The following DIP2C variants were observed in gnomAD, a reference collection of about 807,000 sequenced individuals.
DIP2C encodes DIP2 acetate--CoA ligase C (putative).
DIP2C carries 33 observed loss-of-function variants against 192.4 expected under a neutral mutation model. That is an observed-to-expected ratio of 0.17 (90% CI 0.13 to 0.23). The LOEUF (loss-of-function observed/expected upper bound fraction) is 0.23. Ranked by LOEUF, DIP2C falls within the 10% of genes least tolerant of loss-of-function variation. The probability of loss-of-function intolerance (pLI) is 1.00; values close to 1 mark genes in which losing one functional copy is unlikely to be tolerated. For missense variants in DIP2C, 1,537 were observed against 2,110.1 expected (o/e 0.73, Z 5.32); for synonymous variants, 979 against 864.1 (o/e 1.13, Z -2.33).
chr10:504,550 C>CAT, intron 1 of DIP2C, among the ~76,000 whole-genome samples: 1 of 151,944 alleles, frequency 6.6e-6, no homozygotes, highest in Admixed American at 6.6e-5. Flanking sequence ...CCCACGGCTC[C>CAT]GTGACCAAGT....
chr10:633,440 G>A (rs933331676), intron 1 of DIP2C, among the ~76,000 whole-genome samples: 18 of 152,200 alleles, frequency 1.2e-4, no homozygotes, highest in African/African-American at 3.1e-4. Flanking sequence ...GAGCGGACGC[G>A]GGGAGTCCGA....
At chr10:519,445 A>G (rs970510982) in intron 1 of DIP2C, among the ~76,000 whole-genome samples, 1 of 151,892 alleles carries the variant, frequency 6.6e-6, no homozygotes, top group Non-Finnish European at 1.5e-5. Flanking sequence ...CTGAGTGCTG[A>G]CCCCGCGTGG....
At chr10:521,003 A>G (rs902334697) in intron 1 of DIP2C, among the ~76,000 whole-genome samples, 1 of 152,252 alleles carries the variant, frequency 6.6e-6, no homozygotes, top group African/African-American at 2.4e-5. Context: ...TCTATTAATC[A>G]AATGGAAATA....
At chr10:642,255 A>C (rs1401490424) in intron 1 of DIP2C, among the ~76,000 whole-genome samples, 5 of 152,232 alleles carry the variant, frequency 3.3e-5, no homozygotes, top group African/African-American at 1.2e-4. Context: ...CTGAAACCTC[A>C]GCATCCTCAG....
chr10:457,080 G>A (rs1969363809), intron 3 of DIP2C, among the ~76,000 whole-genome samples: 2 of 152,122 alleles, frequency 1.3e-5, no homozygotes, highest in South Asian at 4.1e-4. Flanking sequence ...ATGGTTTGAG[G>A]TTATAATCTC....
At chr10:404,085 A>G (rs868833674) in intron 9 of DIP2C, among the ~76,000 whole-genome samples, 733 of 109,416 alleles carry the variant, frequency 6.7e-3, no homozygotes, top group Middle Eastern at 0.035. Flanking sequence ...CATGAATCCT[A>G]TGATTTTACA....
chr10:327,236 GAGACTCCTTCCCAC>G (rs1431277990), intron 30 of DIP2C, 60 bp from the exon 31 acceptor site: 1 of 1,555,750 alleles, frequency 6.4e-7, no homozygotes, highest in African/African-American at 1.4e-5. Flanking sequence ...GAGTGAGCCA[GAGACTCCTTCCCAC>G]AGATCCCCAC....
intron 3 of DIP2C, among the ~76,000 whole-genome samples, chr10:469,371 C>A (rs908134626): frequency 8.2e-5 from 12 of 146,042 alleles, no homozygotes; most frequent in South Asian, 2.2e-4. Context: ...GGCTGGAGTG[C>A]AGTGGTATGA....
intron 32 of DIP2C, among the ~76,000 whole-genome samples, chr10:308,036 G>A (rs1301418228): frequency 1.4e-5 from 2 of 143,868 alleles, no homozygotes; most frequent in African/African-American, 5.5e-5. Flanking sequence ...GGGCAGCAGG[G>A]AGGGTTCAGG....
At chr10:591,521 A>AC (rs1428576861) in intron 1 of DIP2C, among the ~76,000 whole-genome samples, 1 of 152,252 alleles carries the variant, frequency 6.6e-6, no homozygotes, top group Non-Finnish European at 1.5e-5. Flanking sequence ...AGAACCAGTT[A>AC]CCCATTTGAA....
intron 3 of DIP2C, among the ~76,000 whole-genome samples, chr10:443,601 C>G (rs1967918659): frequency 6.6e-6 from 1 of 152,188 alleles, no homozygotes; most frequent in Non-Finnish European, 1.5e-5. Context: ...GCACTTCTGT[C>G]CCTGTCTACA....
At position 283,454 on chromosome 10, in the gene DIP2C, CGGAG is replaced by C. The variant is rs748025955; in HGVS notation, c.4120-12_4120-9del. On this transcript the variant is annotated splice_polypyrimidine_tract_variant and intron_variant, in intron 34 of 36. Coordinates refer to ENST00000280886, the MANE Select transcript of DIP2C (RefSeq NM_014974.3). The stretch of plus-strand genomic sequence containing the variant: ...GGCACTGTGAACCCAAATCTGCAAA[CGGAG>C]GGAAATGTCACTGTGGATGACATTA... 100 of 1,613,538 alleles carry C rather than the reference CGGAG, an allele frequency of 6.2e-5. No individual in the cohort carries two copies. Among genetic ancestry groups the C allele is most frequent in the Non-Finnish European group, 8.3e-5 (98 of 1,179,762 alleles).
chr10:413,809 G>T, intron 8 of DIP2C, 104 bp downstream of exon 8: 1 of 1,408,200 alleles, frequency 7.1e-7, no homozygotes, highest in Non-Finnish European at 9.7e-7. Flanking sequence ...GGTTAGCCTC[G>T]GGATTACCTT....
intron 1 of DIP2C, among the ~76,000 whole-genome samples, chr10:525,606 A>T (rs1847002996): frequency 6.6e-6 from 1 of 152,224 alleles, no homozygotes; most frequent in African/African-American, 2.4e-5. Context: ...AATTTTCCTC[A>T]TCTGCAAGTG....
At chr10:679,560 G>A (rs927369751) in intron 1 of DIP2C, among the ~76,000 whole-genome samples, 21 of 22,686 alleles carry the variant, frequency 9.3e-4, no homozygotes, top group Admixed American at 1.2e-3. Context: ...CATCCTCCCC[G>A]CACCCATCCT....
intron 1 of DIP2C, among the ~76,000 whole-genome samples, chr10:598,505 G>T (rs1851855423): frequency 6.6e-6 from 1 of 152,188 alleles, no homozygotes; most frequent in Non-Finnish European, 1.5e-5. Flanking sequence ...CGCGACAGGG[G>T]TAGGGGAGCA....
At chr10:484,854 G>T in intron 2 of DIP2C, 1 of 1,611,630 alleles carries the variant, frequency 6.2e-7, no homozygotes. Context: ...CTTCTCGGAC[G>T]TCGCACACCC....
chr10:604,370 G>A (rs1220574157), intron 1 of DIP2C, among the ~76,000 whole-genome samples: 1 of 152,192 alleles, frequency 6.6e-6, no homozygotes, highest in Non-Finnish European at 1.5e-5. Context: ...AGATGAGGAA[G>A]GCAGTTGCTC....
chr10:474,926 C>T (rs911613614), intron 2 of DIP2C, among the ~76,000 whole-genome samples: 3 of 152,090 alleles, frequency 2.0e-5, no homozygotes, highest in African/African-American at 7.2e-5. Flanking sequence ...AATATCCATT[C>T]CTTTCTTTTC....
Sources: allele counts gnomAD v4.1 joint callset (sites outside exome capture counted in the v4.1 genomes callset), GRCh38; gene constraint gnomAD v4.1.1; transcripts MANE v1.5; gene names NCBI Gene and HGNC (gene_info 2026-07-23, HGNC 2026-07-21).